SLC6A17: variants seen among roughly 807,000 people sequenced by gnomAD.
SLC6A17 encodes the protein sodium-dependent neutral amino acid transporter SLC6A17.
In SLC6A17, 21 loss-of-function variants were observed where a neutral mutation model predicts 64.5. The ratio of observed to expected loss-of-function variants is 0.33; its 90% confidence interval spans 0.23 to 0.47. The LOEUF is 0.47. Ranked by LOEUF, SLC6A17 falls within the 20% of genes least tolerant of loss-of-function variation. The pLI is 1.00. For missense variants in SLC6A17, 682 were observed against 963.2 expected, an observed-to-expected ratio of 0.71 and a Z score of 3.86; for synonymous variants, 372 against 399.5, an observed-to-expected ratio of 0.93 and a Z score of 0.82.
chr1:110,191,116 TC>T (rs1377264738), intron 6 of SLC6A17, among the ~76,000 whole-genome samples: 2 of 152,130 alleles, frequency 1.3e-5, no homozygotes, highest in Non-Finnish European at 2.9e-5. Context: ...CTATTACTAT[TC>T]CCTTTTCTTC....
chr1:110,159,295 C>T (rs936117669), intron 1 of SLC6A17, among the ~76,000 whole-genome samples: 3 of 152,152 alleles, frequency 2.0e-5, no homozygotes, highest in African/African-American at 7.2e-5. Context: ...TGGGGCTGCC[C>T]TTGTTTACAT....
chr1:110,151,872 G>T (rs548009312), intron 1 of SLC6A17, among the ~76,000 whole-genome samples: 12 of 152,106 alleles, frequency 7.9e-5, no homozygotes, highest in Middle Eastern at 3.4e-3. Context: ...GGGCAATTCA[G>T]CTGTGAACTT....
At chr1:110,174,639 C>T (rs1177854295) in intron 4 of SLC6A17, 140 bp from the exon 5 acceptor site, 1 of 1,063,962 alleles carries the variant, frequency 9.4e-7, no homozygotes, top group South Asian at 1.6e-5. Flanking sequence ...TCCCGGCTAA[C>T]CCAAGATGAG....
In SLC6A17 at chr1:110,195,326, C is replaced by T. The variant is rs1375972971; in HGVS notation, c.1493-260C>T. 3.9e-5 allele frequency among the ~76,000 whole-genome samples: 6 copies of T among 152,262 alleles called. No homozygotes were observed. In the South Asian group the frequency reaches 8.3e-4, roughly 21 times the overall value. On this transcript the variant is annotated intron_variant, in intron 9 of 11. Transcript: ENST00000331565. Reference sequence around the variant, plus strand: ...CAGCAATTAAGTAGCGCACCTGCCACGGGCCAGGCCCTGTGCTGGGGCAGA... The same window carrying T: ...CAGCAATTAAGTAGCGCACCTGCCATGGGCCAGGCCCTGTGCTGGGGCAGA...
In SLC6A17 at chr1:110,192,623, C is replaced by T. The variant is rs1374203673; in HGVS notation, c.1224C>T (p.Val408=). ...AGGACTACATGGAGATGTACAATGT[C>T]ATCATGACCGTGAAGGAGGACCAGT... The part of the protein sequence containing the change: ...TTKDYMEMYN[V]IMTVKEDQFS... Residue 408 remains valine, a synonymous_variant, in exon 8 of 12, where the codon GTC becomes GTT. Transcript: ENST00000331565. The surrounding 1 kb of genome is among the most constrained non-coding windows in gnomAD (Gnocchi z 4.3). 6.2e-7 allele frequency: 1 copy of T among 1,614,196 alleles called. No homozygotes were observed. The highest frequency in any genetic ancestry group is 8.5e-7 in the Non-Finnish European group (1 of 1,180,032).
intron 3 of SLC6A17, among the ~76,000 whole-genome samples, chr1:110,172,867 G>T (rs1656277648): frequency 1.3e-5 from 2 of 152,220 alleles, no homozygotes; most frequent in Admixed American, 6.5e-5. Context: ...TGAGGAAACA[G>T]CATCCCTTAA....
chr1:110,182,424 A>T (rs1570994455), intron 6 of SLC6A17, among the ~76,000 whole-genome samples: 1 of 152,084 alleles, frequency 6.6e-6, no homozygotes, highest in Non-Finnish European at 1.5e-5. Context: ...GGATGTATGG[A>T]TCTAGAGGTC....
At chr1:110,197,665 A>G (rs915061303) in intron 11 of SLC6A17, 66 bp downstream of exon 11, 1 of 1,488,604 alleles carries the variant, frequency 6.7e-7, no homozygotes, top group Non-Finnish European at 8.9e-7. Context: ...GCAACCACTG[A>G]TAGGGATACA....
intron 6 of SLC6A17, among the ~76,000 whole-genome samples, chr1:110,180,247 G>A (rs751851960): frequency 2.0e-5 from 3 of 152,232 alleles, no homozygotes; most frequent in Non-Finnish European, 4.4e-5. Flanking sequence ...TGAAGGCCAG[G>A]TGGCAAGAGT....
At position 110,202,042 on chromosome 1, in the gene SLC6A17, G is replaced by A. The variant is rs1226659357; in HGVS notation, c.*3598G>A. The A allele has an allele frequency of 6.6e-6, 1 of 152,158 alleles. No homozygotes were observed. The highest frequency in any genetic ancestry group is 1.5e-5 in the Non-Finnish European group (1 of 68,076). The allele number at this position is 152,158 out of a possible 1,614,324, so 9.4% of individuals were successfully genotyped here. ...ACACCAGGCCGTCACTTTGGGTTCT[G>A]GCATAAGTTCAGAACAATTCAAGTC... On this transcript the variant is annotated 3_prime_UTR_variant, in exon 12 of 12. Transcript: ENST00000331565.
At chr1:110,194,529 TCC>T (rs1656909232) in intron 8 of SLC6A17, 48 bp from the exon 9 acceptor site, 1 of 1,583,022 alleles carries the variant, frequency 6.3e-7, no homozygotes, top group African/African-American at 1.3e-5. Context: ...AGCAGTGGGC[TCC>T]CCAGGGAGGG....
At chr1:110,176,496 T>C (rs892825768) in intron 5 of SLC6A17, 133 bp from the exon 6 acceptor site, 1 of 807,370 alleles carries the variant, frequency 1.2e-6, no homozygotes, top group Non-Finnish European at 2.0e-6. Flanking sequence ...TTTGGCCCTC[T>C]GCCCAGGGGT....
chr1:110,175,482 C>T (rs896343736), intron 5 of SLC6A17, among the ~76,000 whole-genome samples: 1 of 152,198 alleles, frequency 6.6e-6, no homozygotes, highest in African/African-American at 2.4e-5. Flanking sequence ...CTCTTCCCAG[C>T]ATTTCAGATC....
chr1:110,174,654 G>T (rs1656323469), intron 4 of SLC6A17, 125 bp from the exon 5 acceptor site: 3 of 1,197,352 alleles, frequency 2.5e-6, no homozygotes, highest in Non-Finnish European at 3.5e-6. Flanking sequence ...GATGAGCACA[G>T]CCCCTCCCAG....
rs757491378 is a variant in SLC6A17, at chr1:110,174,817, T to G, written c.610T>G (p.Tyr204Asp). Residue 204 changes from tyrosine (Y) to aspartate (D), a missense_variant, in exon 5 of 12, where the codon TAC (tyrosine) becomes GAC (aspartate). Physicochemically the swap from Tyr to Asp is radical, Grantham distance 160. Coordinates refer to ENST00000331565, the MANE Select transcript of SLC6A17 (RefSeq NM_001010898.4). ...GTGTGAAAAGAGCTCAGCCACTACC[T>G]ACTTCTGGTACCGAGAGGCCTTGGA... ...AECEKSSATT[Y>D]FWYREALDIS... is the part of the protein sequence containing the mutation. The G allele has an allele frequency of 4.3e-6, 7 of 1,614,168 alleles. No homozygotes were observed. Among genetic ancestry groups the G allele is most frequent in the Non-Finnish European group, 5.9e-6 (7 of 1,180,024 alleles).
In SLC6A17 at chr1:110,198,073, C is replaced by T. The variant is rs1158005090; in HGVS notation, c.1816-3C>T. The T allele has an allele frequency of 8.1e-6, 13 of 1,607,856 alleles. No homozygotes were observed. The highest frequency in any genetic ancestry group is 1.0e-5 in the Non-Finnish European group (12 of 1,177,082). On this transcript the variant is annotated splice_region_variant and splice_polypyrimidine_tract_variant and intron_variant, in intron 11 of 11. Transcript: ENST00000331565. ...AGCAGCCCTTAAGGCAGCCCACCCG[C>T]AGGCTGCCGAGCGCTACCTGTATTT...
chr1:110,194,520 G>A, intron 8 of SLC6A17, 59 bp from the exon 9 acceptor site: 8 of 1,557,022 alleles, frequency 5.1e-6, no homozygotes, highest in Non-Finnish European at 7.0e-6. Flanking sequence ...AGGGAAGGAA[G>A]CAGTGGGCTC....
chr1:110,176,852 G>T, intron 6 of SLC6A17, 113 bp downstream of exon 6: 2 of 943,208 alleles, frequency 2.1e-6, no homozygotes, highest in Admixed American at 2.2e-5. Context: ...CTATGTGTTG[G>T]GTATCGTACC....
chr1:110,184,268 G>T (rs1311953116), intron 6 of SLC6A17, among the ~76,000 whole-genome samples: 1 of 152,032 alleles, frequency 6.6e-6, no homozygotes, highest in East Asian at 1.9e-4. Flanking sequence ...GTGCCACAAT[G>T]CCCGGCTAAT....
Sources: gnomAD v4.1 joint callset for allele counts (sites outside exome capture counted in the v4.1 genomes callset) on GRCh38, gnomAD v4.1.1 for gene constraint, Gnocchi (gnomAD v3.1) non-coding constraint, MANE v1.5 for transcripts, NCBI Gene and HGNC (gene_info 2026-07-23, HGNC 2026-07-21) for gene names.